Variants in CHD9 observed in about 807,000 individuals in gnomAD.
CHD9 encodes the protein ATP-dependent chromatin remodeler CHD9.
In CHD9, 77 loss-of-function variants were observed where a neutral mutation model predicts 316.1. The observed-to-expected ratio is 0.24, with a 90% confidence interval of 0.20 to 0.29. The LOEUF is 0.29. CHD9 is among the 10% of genes least tolerant of loss of function. The pLI, the probability that CHD9 is intolerant of heterozygous loss-of-function variation, is 1.00. For missense variants in CHD9, 2,763 were observed against 3,438.1 expected, an observed-to-expected ratio of 0.80 and a Z score of 4.91; for synonymous variants, 1,129 against 1,158.3, an observed-to-expected ratio of 0.97 and a Z score of 0.51.
chr16:53,099,352 C>G (rs555382763), intron 1 of CHD9: 1 of 152,268 alleles, frequency 6.6e-6, no homozygotes, highest in Non-Finnish European at 1.5e-5. Context: ...TGTGCTGTAC[C>G]AGGGTCTTTG....
chr16:53,235,150 T>C (rs2048514089), intron 10 of CHD9, 35 bp from the exon 11 acceptor site: 3 of 1,538,580 alleles, frequency 1.9e-6, no homozygotes, highest in Middle Eastern at 3.4e-4. Flanking sequence ...ATATGGAAGA[T>C]TTAAACACCA....
intron 1 of CHD9, among the ~76,000 whole-genome samples, chr16:53,150,293 G>C (rs1263522934): frequency 1.3e-5 from 2 of 149,786 alleles, no homozygotes; most frequent in African/African-American, 4.9e-5. Flanking sequence ...TTCCTTAATG[G>C]TTATGTTGCG....
chr16:53,169,843 A>G (rs1191870672), intron 2 of CHD9, among the ~76,000 whole-genome samples: 1 of 152,164 alleles, frequency 6.6e-6, no homozygotes, highest in Non-Finnish European at 1.5e-5. Context: ...CTTTAGAGAG[A>G]TATCTGGTTT....
intron 2 of CHD9, among the ~76,000 whole-genome samples, chr16:53,170,299 T>C (rs1358543447): frequency 1.3e-5 from 2 of 152,110 alleles, no homozygotes; most frequent in African/African-American, 4.8e-5. Flanking sequence ...GTTATAAAAA[T>C]GTGTTTATAA....
intron 1 of CHD9, among the ~76,000 whole-genome samples, chr16:53,135,277 T>TA (rs1246465341): frequency 6.6e-6 from 1 of 152,158 alleles, no homozygotes; most frequent in Non-Finnish European, 1.5e-5. Flanking sequence ...ATTAAAGACT[T>TA]ACAGGTTTTA....
intron 2 of CHD9, among the ~76,000 whole-genome samples, chr16:53,200,759 AAAG>A (rs1204240624): frequency 6.6e-6 from 1 of 152,232 alleles, no homozygotes; most frequent in African/African-American, 2.4e-5. Context: ...AATTATAAAA[AAAG>A]ACATTTACAT....
At chr16:53,224,914 T>A (rs961128768) in intron 4 of CHD9, among the ~76,000 whole-genome samples, 2 of 152,198 alleles carry the variant, frequency 1.3e-5, no homozygotes, top group Non-Finnish European at 2.9e-5. Flanking sequence ...GGGTTTCTAG[T>A]AGCCCTTTAA....
chr16:53,265,313 G>A (rs1423992465), intron 20 of CHD9, among the ~76,000 whole-genome samples: 1 of 152,118 alleles, frequency 6.6e-6, no homozygotes, highest in Non-Finnish European at 1.5e-5. Flanking sequence ...GAAGGTGTGA[G>A]GATGGCTTGA....
intron 2 of CHD9, among the ~76,000 whole-genome samples, chr16:53,199,652 T>C (rs1309107185): frequency 6.6e-6 from 1 of 152,180 alleles, no homozygotes; most frequent in Non-Finnish European, 1.5e-5. Context: ...TTTCACCCTG[T>C]ATGTCTATGT....
chr16:53,196,107 T>C (rs2044892981), intron 2 of CHD9, among the ~76,000 whole-genome samples: 1 of 152,192 alleles, frequency 6.6e-6, no homozygotes, highest in East Asian at 1.9e-4. Flanking sequence ...CTTGCAAAAC[T>C]ATAGTACAGT....
chr16:53,287,669 G>C (rs761783380), intron 26 of CHD9, among the ~76,000 whole-genome samples: 34 of 152,214 alleles, frequency 2.2e-4, no homozygotes, highest in Non-Finnish European at 3.5e-4. Context: ...GGAGGTTGCA[G>C]TGAGCTGAGA....
At chr16:53,301,767 C>CTTTTTTTT (rs199846098) in intron 30 of CHD9, among the ~76,000 whole-genome samples, 6 of 126,228 alleles carry the variant, frequency 4.8e-5, no homozygotes, top group Admixed American at 8.1e-5. Flanking sequence ...TCTTTTTTTT[C>CTTTTTTTT]TTTTTTTTTT....
At chr16:53,163,271 T>C (rs1171216752) in intron 2 of CHD9, among the ~76,000 whole-genome samples, 1 of 152,126 alleles carries the variant, frequency 6.6e-6, no homozygotes, top group Non-Finnish European at 1.5e-5. Flanking sequence ...AGTTCAATGA[T>C]GTGATCTTGG....
intron 1 of CHD9, among the ~76,000 whole-genome samples, chr16:53,100,803 A>G (rs948470032): frequency 6.6e-6 from 1 of 152,184 alleles, no homozygotes; most frequent in African/African-American, 2.4e-5. Context: ...TAGAAGCTCT[A>G]TGACATTGGC....
intron 34 of CHD9, among the ~76,000 whole-genome samples, chr16:53,314,070 G>A (rs2056693722): frequency 6.6e-6 from 1 of 152,006 alleles, no homozygotes; most frequent in Non-Finnish European, 1.5e-5. Flanking sequence ...GGAACTAATG[G>A]GTTCAAAGAA....
At chr16:53,094,066 A>G (rs1057500202) in intron 1 of CHD9, among the ~76,000 whole-genome samples, 1 of 152,178 alleles carries the variant, frequency 6.6e-6, no homozygotes, top group African/African-American at 2.4e-5. Context: ...GCACATGGCC[A>G]GTGGGGCCTG....
intron 30 of CHD9, among the ~76,000 whole-genome samples, chr16:53,303,181 A>AG (rs991954710): frequency 3.2e-5 from 4 of 126,914 alleles, no homozygotes; most frequent in African/African-American, 9.3e-5. Flanking sequence ...AAATATTATG[A>AG]GTTTTTTTTT....
At chr16:53,301,852 G>A (rs570927040) in intron 30 of CHD9, among the ~76,000 whole-genome samples, 55 of 145,104 alleles carry the variant, frequency 3.8e-4, no homozygotes, top group African/African-American at 1.3e-3. Context: ...TGCAAGCTCC[G>A]CCCCCGGGTT....
intron 2 of CHD9, among the ~76,000 whole-genome samples, chr16:53,180,259 G>A (rs1476615175): frequency 2.0e-5 from 3 of 151,910 alleles, no homozygotes; most frequent in Admixed American, 6.6e-5. Flanking sequence ...CACCTTCCTC[G>A]GCCTCCCAAA....
Sources: allele counts gnomAD v4.1 joint callset (sites outside exome capture counted in the v4.1 genomes callset), GRCh38; gene constraint gnomAD v4.1.1; transcripts MANE v1.5; gene names NCBI Gene and HGNC (gene_info 2026-07-23, HGNC 2026-07-21).